The following CDH13 variants were observed in gnomAD, a reference collection of about 807,000 sequenced individuals.
CDH13 encodes the protein cadherin-13.
Under a neutral mutation model 63.8 loss-of-function variants are expected in CDH13, and 24 were observed. That is an observed-to-expected ratio of 0.38 (90% CI 0.27 to 0.53). The LOEUF is 0.53. Among genes scored for constraint, CDH13 ranks in the 20% least tolerant of loss-of-function variants. The pLI, the probability that CDH13 is intolerant of heterozygous loss-of-function variation, is 0.85. For missense variants in CDH13, 1,049 were observed against 903.1 expected, an observed-to-expected ratio of 1.16 and a Z score of -2.07; for synonymous variants, 503 against 355.3, an observed-to-expected ratio of 1.42 and a Z score of -4.67.
chr16:82,831,400 AT>A (rs34851681), intron 1 of CDH13, among the ~76,000 whole-genome samples: 22,828 of 151,802 alleles, frequency 0.15, 2,843 homozygotes, highest in East Asian at 0.71. Context: ...TATATCTTTC[AT>A]TTTTTTTAAA....
intron 2 of CDH13, among the ~76,000 whole-genome samples, chr16:82,860,999 A>G (rs2039922521): frequency 6.6e-6 from 1 of 152,220 alleles, no homozygotes; most frequent in Non-Finnish European, 1.5e-5. Context: ...GAAAAACGTG[A>G]TTAATCAAGA....
At chr16:83,079,573 T>G (rs2033095767) in intron 3 of CDH13, among the ~76,000 whole-genome samples, 2 of 152,222 alleles carry the variant, frequency 1.3e-5, no homozygotes, top group Non-Finnish European at 2.9e-5. Context: ...TACCTAGCAC[T>G]CTCTGGCATG....
At chr16:83,694,922 A>G (rs1443663412) in intron 10 of CDH13, among the ~76,000 whole-genome samples, 2 of 152,138 alleles carry the variant, frequency 1.3e-5, no homozygotes, top group African/African-American at 2.4e-5. Context: ...TAATGCAAAA[A>G]TTAGCCAGGC....
chr16:83,656,249 C>T (rs546707501), intron 8 of CDH13, among the ~76,000 whole-genome samples: 36 of 152,274 alleles, frequency 2.4e-4, no homozygotes, highest in African/African-American at 8.7e-4. Context: ...CAAAAGATGA[C>T]TCCTGCATTT....
chr16:83,574,756 A>C (rs918358470), intron 7 of CDH13, among the ~76,000 whole-genome samples: 5 of 152,148 alleles, frequency 3.3e-5, no homozygotes, highest in African/African-American at 1.2e-4. Flanking sequence ...CCCATGTAAC[A>C]ACAACTTTCT....
chr16:82,632,091 A>C (rs554046574), intron 1 of CDH13, among the ~76,000 whole-genome samples: 1 of 152,178 alleles, frequency 6.6e-6, no homozygotes, highest in Non-Finnish European at 1.5e-5. Flanking sequence ...CCCTAGATCC[A>C]CACTTCAACA....
rs182694106 is a variant in CDH13 at position 83,624,549 on chromosome 16, G to A, written c.1101+21955G>A. Among the ~76,000 whole-genome samples, 9 of 152,190 alleles carry A rather than the reference G, an allele frequency of 5.9e-5. No homozygotes were observed. In the East Asian group the frequency reaches 1.5e-3, roughly 26 times the overall value. On this transcript the variant is annotated intron_variant, in intron 8 of 13. Coordinates refer to ENST00000567109, the MANE Select transcript of CDH13 (RefSeq NM_001257.5). Reference sequence around the variant, plus strand: ...ATTCCCAGTTCACAATAAGGTTTCCGTTCCTATGAGAATCTAATGCCACCA... The same window carrying A: ...ATTCCCAGTTCACAATAAGGTTTCCATTCCTATGAGAATCTAATGCCACCA...
rs572708750 is a variant in CDH13, at chr16:83,040,225, A to G, written c.366+8007A>G. ...CCTCATGGGGATGCTGTGAGGATTC[A>G]ATGAATCAACACGTGTGTATTAGTC... On this transcript the variant is annotated intron_variant, in intron 3 of 13. Transcript: ENST00000567109. 2.0e-5 allele frequency among the ~76,000 whole-genome samples: 3 copies of G among 152,184 alleles called. No homozygotes were observed. The South Asian group carries it at 6.2e-4, about 32-fold the overall frequency.
intron 3 of CDH13, among the ~76,000 whole-genome samples, chr16:83,095,241 C>T (rs2034135489): frequency 6.6e-6 from 1 of 152,198 alleles, no homozygotes; most frequent in African/African-American, 2.4e-5. Context: ...ATACCTTCTC[C>T]AAAACACTCA....
chr16:83,226,877 G>A (rs771875307), intron 5 of CDH13, among the ~76,000 whole-genome samples: 13 of 152,046 alleles, frequency 8.6e-5, no homozygotes, highest in African/African-American at 2.9e-4. Context: ...TCCAGCTCCC[G>A]CCACCCATTA....
intron 4 of CDH13, among the ~76,000 whole-genome samples, chr16:83,157,485 G>C (rs149534748): frequency 6.6e-6 from 1 of 152,322 alleles, no homozygotes; most frequent in African/African-American, 2.4e-5. Flanking sequence ...GCCTTTTAAA[G>C]TCTAAATGCA....
At chr16:83,458,822 T>C (rs1330440186) in intron 6 of CDH13, among the ~76,000 whole-genome samples, 1 of 152,204 alleles carries the variant, frequency 6.6e-6, no homozygotes, top group Non-Finnish European at 1.5e-5. Flanking sequence ...GGTTGTCTCT[T>C]TCTCTGACTC....
At chr16:83,071,771 T>C (rs1269619251) in intron 3 of CDH13, among the ~76,000 whole-genome samples, 2 of 152,184 alleles carry the variant, frequency 1.3e-5, no homozygotes, top group African/African-American at 4.8e-5. Context: ...ACATAGCATA[T>C]ATAGGTGCAT....
Position 82,858,509 on chromosome 16 carries a change from T to G in CDH13, c.157+36T>G, listed in dbSNP as rs756941122. The G allele has an allele frequency of 2.4e-6, 3 of 1,232,230 alleles. No individual in the cohort carries two copies. In the East Asian group the frequency reaches 7.0e-5, roughly 29 times the overall value. The allele number at this position is 1,232,230 out of a possible 1,614,324, so 76.3% of individuals were successfully genotyped here. A position where few individuals can be genotyped will look rare whatever the true frequency, so the allele number is the denominator to read the frequency against. ...TCACTCAAAGATGCTTTTAGACTCTTCTCATATTTGAATTTACTAATGTTT... is the reference window on the plus strand; with the variant it reads ...TCACTCAAAGATGCTTTTAGACTCTGCTCATATTTGAATTTACTAATGTTT... On this transcript the variant is annotated intron_variant, in intron 2 of 13. Coordinates refer to ENST00000567109, the MANE Select transcript of CDH13 (RefSeq NM_001257.5).
intron 2 of CDH13, among the ~76,000 whole-genome samples, chr16:82,985,304 G>T (rs141575462): frequency 1.3e-3 from 194 of 152,196 alleles, no homozygotes; most frequent in African/African-American, 4.4e-3. Flanking sequence ...ATAGCAAAAA[G>T]AAATTAGAGG....
At chr16:83,627,767 A>G (rs1300259051) in intron 8 of CDH13, among the ~76,000 whole-genome samples, 1 of 152,186 alleles carries the variant, frequency 6.6e-6, no homozygotes, top group Non-Finnish European at 1.5e-5. Context: ...TACACAAGAA[A>G]GAATTCGAGG....
At chr16:82,662,481 C>G (rs1414251470) in intron 1 of CDH13, among the ~76,000 whole-genome samples, 1 of 152,114 alleles carries the variant, frequency 6.6e-6, no homozygotes, top group Non-Finnish European at 1.5e-5. Flanking sequence ...TTCTCTTTGC[C>G]TCTTTAGAGA....
intron 3 of CDH13, 101 bp from the exon 4 acceptor site, chr16:83,125,284 A>C (rs978385404): frequency 1.5e-6 from 1 of 682,716 alleles, no homozygotes; most frequent in Admixed American, 2.3e-5. Flanking sequence ...ACACTTTCCA[A>C]ACAGCTGTAT....
chr16:83,679,714 C>T (rs1474901964), intron 10 of CDH13, among the ~76,000 whole-genome samples: 2 of 152,158 alleles, frequency 1.3e-5, no homozygotes, highest in Non-Finnish European at 2.9e-5. Context: ...TGGGAAAACT[C>T]GTAGCTTAAC....
Sources: gnomAD v4.1 joint callset for allele counts (sites outside exome capture counted in the v4.1 genomes callset) on GRCh38, gnomAD v4.1.1 for gene constraint, MANE v1.5 for transcripts, NCBI Gene and HGNC (gene_info 2026-07-23, HGNC 2026-07-21) for gene names.